The following NRXN3 variants were observed in gnomAD, a reference collection of about 807,000 sequenced individuals.
NRXN3 encodes neurexin 3.
Under a neutral mutation model 137.6 loss-of-function variants are expected in NRXN3, and 32 were observed. The observed-to-expected ratio is 0.23, with a 90% CI of 0.18 to 0.31. The LOEUF (loss-of-function observed/expected upper bound fraction) is 0.31. Among genes scored for constraint, NRXN3 ranks in the 10% least tolerant of loss-of-function variants. NRXN3 has a pLI of 1.00. For missense variants in NRXN3, 1,574 were observed against 2,062.5 expected, an observed-to-expected ratio of 0.76 and a Z score of 4.59; for synonymous variants, 798 against 784.5, an observed-to-expected ratio of 1.02 and a Z score of -0.29.
chr14:78,230,328 G>C (rs763290217), intron 1 of NRXN3, among the ~76,000 whole-genome samples: 56 of 148,818 alleles, frequency 3.8e-4, no homozygotes, highest in African/African-American at 1.3e-3. Context: ...GTCTCTGTCT[G>C]TCTCTCTCTC....
intron 20 of NRXN3, among the ~76,000 whole-genome samples, chr14:79,850,116 G>A (rs780013682): frequency 3.9e-5 from 6 of 152,186 alleles, no homozygotes; most frequent in Non-Finnish European, 8.8e-5. Flanking sequence ...AACAGATGTG[G>A]AGGCTTAACT....
intron 8 of NRXN3, among the ~76,000 whole-genome samples, chr14:78,751,428 C>CTT (rs35906068): frequency 5.9e-5 from 9 of 151,996 alleles, no homozygotes; most frequent in East Asian, 1.9e-4. Context: ...GCTGCTAATT[C>CTT]TTTTTTTTCT....
chr14:79,591,577 A>G (rs1378235740), intron 16 of NRXN3, among the ~76,000 whole-genome samples: 2 of 152,192 alleles, frequency 1.3e-5, no homozygotes, highest in Non-Finnish European at 2.9e-5. Context: ...TATTAGTCCA[A>G]ATTTGAGCAT....
intron 4 of NRXN3, among the ~76,000 whole-genome samples, chr14:78,510,642 G>A (rs1414737839): frequency 6.6e-6 from 1 of 152,160 alleles, no homozygotes; most frequent in Non-Finnish European, 1.5e-5. Context: ...ATTGAGCCAA[G>A]CCCTGTTCTT....
intron 10 of NRXN3, among the ~76,000 whole-genome samples, chr14:78,922,268 C>T (rs1394369611): frequency 6.6e-6 from 1 of 152,160 alleles, no homozygotes; most frequent in East Asian, 1.9e-4. Context: ...CTGGACCGAG[C>T]TTGTGAATAA....
intron 14 of NRXN3, among the ~76,000 whole-genome samples, chr14:78,975,522 C>A (rs975592994): frequency 6.6e-6 from 1 of 152,128 alleles, no homozygotes; most frequent in South Asian, 2.1e-4. Context: ...CCCAAGGATG[C>A]TGTGAGGAGG....
At position 78,966,372 on chromosome 14, in the gene NRXN3, G is replaced by A. The variant is rs1396881063; in HGVS notation, c.2743G>A (p.Gly915Ser). ...CTTCATTCTCTTCAATAGTGGTGAT[G>A]GCAATGACTTCATTGCAGTCGAGCT... ...DGFILFNSGD[G>S]NDFIAVELVK... The change falls in exon 12 of 21, where the codon GGC (glycine) becomes AGC (serine). Residue 915 changes from glycine to serine, a missense_variant. Physicochemically the swap from Gly to Ser is moderately conservative, Grantham distance 56. Coordinates refer to ENST00000335750, the MANE Select transcript of NRXN3 (RefSeq NM_001330195.2). 1 of 1,613,804 alleles carries A rather than the reference G, an allele frequency of 6.2e-7. No individual in the cohort carries two copies. The highest frequency in any genetic ancestry group is 8.5e-7 in the Non-Finnish European group (1 of 1,179,860).
At position 78,272,164 on chromosome 14, in the gene NRXN3, G is replaced by C. The variant is rs566250492; in HGVS notation, c.710-6481G>C. On this transcript the variant is annotated intron_variant, in intron 2 of 20. Coordinates refer to ENST00000335750, the MANE Select transcript of NRXN3 (RefSeq NM_001330195.2). ...CCTGCCCTGCTATTTGAGGGCCTGA[G>C]GCAAGACTATACATGGAGGCCAGTG... Among the ~76,000 whole-genome samples the C allele has an allele frequency of 1.4e-4, 21 of 152,164 alleles. No individual in the cohort carries two copies. The East Asian group carries it at 4.1e-3, about 29-fold the overall frequency.
intron 16 of NRXN3, among the ~76,000 whole-genome samples, chr14:79,558,951 CT>C (rs1389826911): frequency 6.6e-6 from 1 of 152,132 alleles, no homozygotes; most frequent in Non-Finnish European, 1.5e-5. Context: ...GACTTCTTTC[CT>C]TAAACCTCAT....
intron 20 of NRXN3, among the ~76,000 whole-genome samples, chr14:79,844,952 G>T (rs2099363966): frequency 6.6e-6 from 1 of 152,138 alleles, no homozygotes; most frequent in East Asian, 1.9e-4. Context: ...TAGCCACTTT[G>T]ATCAGTTATC....
intron 15 of NRXN3, among the ~76,000 whole-genome samples, chr14:79,147,442 G>T (rs1391975494): frequency 6.6e-6 from 1 of 152,138 alleles, no homozygotes; most frequent in Non-Finnish European, 1.5e-5. Flanking sequence ...GATGCTGGAA[G>T]TGGGCGATCT....
intron 17 of NRXN3, among the ~76,000 whole-genome samples, chr14:79,681,250 G>A (rs2098668665): frequency 1.3e-5 from 2 of 152,102 alleles, no homozygotes; most frequent in African/African-American, 4.8e-5. Flanking sequence ...CTCCTGCTGA[G>A]CCTTCATGGA....
At chr14:78,716,048 G>A (rs930766980) in intron 8 of NRXN3, among the ~76,000 whole-genome samples, 2 of 152,040 alleles carry the variant, frequency 1.3e-5, no homozygotes, top group Admixed American at 6.6e-5. Flanking sequence ...TTGGGGAACT[G>A]TTGGGGTGGG....
intron 15 of NRXN3, among the ~76,000 whole-genome samples, chr14:79,115,476 T>A (rs1329038047): frequency 6.6e-6 from 1 of 152,196 alleles, no homozygotes; most frequent in Non-Finnish European, 1.5e-5. Flanking sequence ...AGATGATTCT[T>A]TTAAGAAAAG....
intron 4 of NRXN3, among the ~76,000 whole-genome samples, chr14:78,389,814 A>G (rs1346887585): frequency 6.6e-6 from 1 of 152,064 alleles, no homozygotes; most frequent in Admixed American, 6.6e-5. Flanking sequence ...AATATTAAAA[A>G]CTTTTCCAAG....
At chr14:79,170,416 T>TA (rs1165875341) in intron 15 of NRXN3, among the ~76,000 whole-genome samples, 4 of 152,112 alleles carry the variant, frequency 2.6e-5, no homozygotes, top group African/African-American at 9.7e-5. Context: ...TGTCCATACT[T>TA]ATGTCAGATG....
intron 6 of NRXN3, among the ~76,000 whole-genome samples, chr14:78,683,288 A>G (rs989895265): frequency 6.6e-6 from 1 of 152,188 alleles, no homozygotes; most frequent in African/African-American, 2.4e-5. Flanking sequence ...CTTATTTTAT[A>G]TTGCTATTGG....
rs115840884 is a variant in NRXN3, at chr14:78,889,544, G to A, written c.2276-67698G>A. Among the ~76,000 whole-genome samples, 611 of 152,038 alleles carry A rather than the reference G, an allele frequency of 4.0e-3. 5 individuals are homozygous for A. Among genetic ancestry groups the A allele is most frequent in the African/African-American group, 0.014 (587 of 41,528 alleles). On this transcript the variant is annotated intron_variant, in intron 10 of 20. Coordinates refer to ENST00000335750, the MANE Select transcript of NRXN3 (RefSeq NM_001330195.2). ...TTCTGAATATTTTTTAGTACTTGCT[G>A]TTACAATGTAGACATTGCAATAATG... is the stretch of plus-strand genomic sequence containing the variant.
chr14:79,664,532 T>A (rs183743749), intron 17 of NRXN3, among the ~76,000 whole-genome samples: 1 of 152,246 alleles, frequency 6.6e-6, no homozygotes, highest in East Asian at 1.9e-4. Flanking sequence ...GTCCTAGTAG[T>A]CATTTTAATA....
Sources: allele counts gnomAD v4.1 joint callset (sites outside exome capture counted in the v4.1 genomes callset), GRCh38; gene constraint gnomAD v4.1.1; transcripts MANE v1.5; gene names NCBI Gene and HGNC (gene_info 2026-07-23, HGNC 2026-07-21).